Variants in STAT4 observed in about 807,000 individuals in gnomAD.
STAT4 encodes signal transducer and activator of transcription 4.
STAT4 carries 42 observed loss-of-function variants against 110.5 expected under a neutral mutation model. The ratio of observed to expected loss-of-function variants is 0.38; its 90% CI spans 0.30 to 0.49. STAT4 has a LOEUF of 0.49. Among genes scored for constraint, STAT4 ranks in the 20% least tolerant of loss-of-function variants. The pLI is 0.95. For synonymous variants in STAT4, 284 were observed against 302.2 expected (o/e 0.94, Z 0.63); for missense variants, 632 against 887.9 (o/e 0.71, Z 3.66).
rs575954270 is a variant in STAT4, at chr2:191,132,583, T to C, written c.273+14030A>G. Among the ~76,000 whole-genome samples, 235 of 151,710 alleles carry C rather than the reference T, an allele frequency of 1.5e-3. 3 individuals are homozygous for C. The highest frequency in any genetic ancestry group is 2.8e-3 in the Non-Finnish European group (188 of 68,002). On this transcript the variant is annotated intron_variant, in intron 3 of 23. Coordinates refer to ENST00000392320, the MANE Select transcript of STAT4 (RefSeq NM_003151.4). ...AATTGCCATGATACAACAAGGATAA[T>C]GTAACTAACAAAATATAAATGATGA...
At chr2:191,139,617 T>C (rs1559084775) in intron 3 of STAT4, among the ~76,000 whole-genome samples, 2 of 152,120 alleles carry the variant, frequency 1.3e-5, no homozygotes, top group African/African-American at 4.8e-5. Context: ...CATGAACAAA[T>C]GGAAACACAT....
At chr2:191,125,894 C>A (rs1301986995) in intron 3 of STAT4, among the ~76,000 whole-genome samples, 1 of 152,084 alleles carries the variant, frequency 6.6e-6, no homozygotes, top group African/African-American at 2.4e-5. Context: ...CAGAGGGTGC[C>A]TGGTGACTTG....
chr2:191,131,657 T>C, intron 3 of STAT4: 1 of 772,806 alleles, frequency 1.3e-6, no homozygotes, highest in Non-Finnish European at 1.8e-6. Context: ...ACAAGAGGCT[T>C]CAAAGGTAAT....
chr2:191,089,452 C>T (rs1049781837), intron 3 of STAT4, among the ~76,000 whole-genome samples: 8 of 152,128 alleles, frequency 5.3e-5, no homozygotes, highest in African/African-American at 1.9e-4. Flanking sequence ...TCATTTGTTG[C>T]TCGTGGGAGT....
chr2:191,081,737 A>C (rs1009907764), intron 3 of STAT4, among the ~76,000 whole-genome samples: 2 of 152,170 alleles, frequency 1.3e-5, no homozygotes, highest in Non-Finnish European at 2.9e-5. Flanking sequence ...TGGTGACTTC[A>C]GCAATCAGCA....
chr2:191,143,864 C>T lies in STAT4; in HGVS notation c.273+2749G>A, dbSNP rs183645606. On this transcript the variant is annotated intron_variant, in intron 3 of 23. Transcript: ENST00000392320. The surrounding 1 kb of genome is among the most constrained non-coding windows in gnomAD (Gnocchi z 5.6). ...AAAGACTCATCATACCACCCTTCCC[C>T]GCAAAAAACACACACAACTTAATGG... Among the ~76,000 whole-genome samples the T allele has an allele frequency of 7.7e-4, 117 of 151,468 alleles. No individual in the cohort carries two copies. Among genetic ancestry groups the T allele is most frequent in the Admixed American group, 2.4e-3 (36 of 15,248 alleles).
At chr2:191,148,637 ACC>A (rs1319611774) in intron 1 of STAT4, among the ~76,000 whole-genome samples, 1 of 150,012 alleles carries the variant, frequency 6.7e-6, no homozygotes, top group Non-Finnish European at 1.5e-5. Context: ...GTGAGGAACA[ACC>A]CCCCAAGAAG....
intron 3 of STAT4, among the ~76,000 whole-genome samples, chr2:191,124,018 A>G (rs1373402470): frequency 1.3e-5 from 2 of 152,256 alleles, no homozygotes; most frequent in Non-Finnish European, 2.9e-5. Context: ...TTCAGCAAGG[A>G]AAATCTTAAA....
chr2:191,086,297 G>A lies in STAT4; in HGVS notation c.274-9972C>T, dbSNP rs374158556. On this transcript the variant is annotated intron_variant, in intron 3 of 23. Transcript: ENST00000392320. The surrounding 1 kb of genome is among the most constrained non-coding windows in gnomAD (Gnocchi z 5.5). ...GATTGTCACTTTCTGACAGGCCCGG[G>A]AACCTCATAGGACCTCAAGAAGAGA... 3.9e-5 allele frequency among the ~76,000 whole-genome samples: 6 copies of A among 152,074 alleles called. No individual in the cohort carries two copies. The highest frequency in any genetic ancestry group is 1.4e-4 in the African/African-American group (6 of 41,392).
chr2:191,113,371 G>A lies in STAT4; in HGVS notation c.273+33242C>T, dbSNP rs1698480792. 6.6e-6 allele frequency among the ~76,000 whole-genome samples: 1 copy of A among 152,144 alleles called. No homozygotes were observed. Among genetic ancestry groups the A allele is most frequent in the South Asian group, 2.1e-4 (1 of 4,834 alleles). ...ATATTACAGTTGTTCCTTTGATCTT[G>A]AGAGCTCCAACAGGGTTATAGTTCA... On this transcript the variant is annotated intron_variant, in intron 3 of 23. Transcript: ENST00000392320. This position sits in a 1 kb window ranked among gnomAD's most constrained non-coding sequence, Gnocchi z 4.8.
chr2:191,040,752 G>A (rs978793804), intron 15 of STAT4, among the ~76,000 whole-genome samples: 2 of 151,912 alleles, frequency 1.3e-5, no homozygotes, highest in Non-Finnish European at 2.9e-5. Context: ...AGTAGAGGTG[G>A]GGGTTTTCAC....
At position 191,075,837 on chromosome 2, in the gene STAT4, C is replaced by CTTTTTTTTTTTTT. The variant is rs71407854; in HGVS notation, c.372+377_372+389dup. On this transcript the variant is annotated intron_variant, in intron 4 of 23. Transcript: ENST00000392320. ...TTAAAAATGTCTCCTTTCTTTCTTT[C>CTTTTTTTTTTTTT]TTTTTTTTTTTTTTTTTTTGTTTTG... is the stretch of plus-strand genomic sequence containing the variant. 1.6e-3 allele frequency among the ~76,000 whole-genome samples: 198 copies of CTTTTTTTTTTTTT among 121,408 alleles called. 1 individual carries two copies. Among genetic ancestry groups the CTTTTTTTTTTTTT allele is most frequent in the Middle Eastern group, 4.5e-3 (1 of 222 alleles). The allele number at this position is 121,408 out of a possible 152,430, so 79.6% of individuals were successfully genotyped here.
In STAT4 at chr2:191,062,963, A is replaced by G. The variant is rs767114731; in HGVS notation, c.783-43T>C. The G allele has an allele frequency of 1.9e-6, 3 of 1,565,952 alleles. No individual in the cohort carries two copies. The highest frequency in any genetic ancestry group is 2.6e-6 in the Non-Finnish European group (3 of 1,153,776). The stretch of plus-strand genomic sequence containing the variant: ...AAAATCAAAGATAGTTTTTCCACTT[A>G]ATAATAAAAAAGCATTGTAACAATG... On this transcript the variant is annotated intron_variant, in intron 8 of 23. Transcript: ENST00000392320. The surrounding 1 kb of genome is among the most constrained non-coding windows in gnomAD (Gnocchi z 4.9).
chr2:191,034,457 A>C, intron 18 of STAT4, 91 bp downstream of exon 18: 1 of 970,402 alleles, frequency 1.0e-6, no homozygotes, highest in Non-Finnish European at 1.6e-6. Flanking sequence ...CTTATCTGGG[A>C]AATTCTCAAA....
chr2:191,052,580 G>C (rs924264331), intron 14 of STAT4, among the ~76,000 whole-genome samples: 1 of 152,136 alleles, frequency 6.6e-6, no homozygotes, highest in East Asian at 1.9e-4. Flanking sequence ...TTCAAGTGAA[G>C]ATTTTCATTT....
Position 191,083,843 on chromosome 2 carries a change from G to A in STAT4, c.274-7518C>T, listed in dbSNP as rs768193274. Among the ~76,000 whole-genome samples, 8 of 151,908 alleles carry A rather than the reference G, an allele frequency of 5.3e-5. No individual in the cohort carries two copies. Among genetic ancestry groups the A allele is most frequent in the South Asian group, 2.1e-4 (1 of 4,822 alleles). Reference sequence around the variant, plus strand: ...ATAAGCCCAAATGCCTTTCAAGTTCGCATGATTTTAGTAATCTTTGATGAA... The same window carrying A: ...ATAAGCCCAAATGCCTTTCAAGTTCACATGATTTTAGTAATCTTTGATGAA... On this transcript the variant is annotated intron_variant, in intron 3 of 23. Coordinates refer to ENST00000392320, the MANE Select transcript of STAT4 (RefSeq NM_003151.4). The surrounding 1 kb of genome is among the most constrained non-coding windows in gnomAD (Gnocchi z 4.6).
At chr2:191,126,771 C>T (rs890405288) in intron 3 of STAT4, among the ~76,000 whole-genome samples, 3 of 152,188 alleles carry the variant, frequency 2.0e-5, no homozygotes, top group Non-Finnish European at 4.4e-5. Context: ...GGGTCTTGGA[C>T]TTGACTTTTC....
chr2:191,127,127 A>G (rs903086564), intron 3 of STAT4, among the ~76,000 whole-genome samples: 1 of 152,146 alleles, frequency 6.6e-6, no homozygotes, highest in Non-Finnish European at 1.5e-5. Flanking sequence ...TGAGAAAAAA[A>G]AAACCAAAAA....
At chr2:191,149,684 G>A (rs1411471800) in intron 1 of STAT4, among the ~76,000 whole-genome samples, 1 of 152,084 alleles carries the variant, frequency 6.6e-6, no homozygotes, top group Non-Finnish European at 1.5e-5. Context: ...TCCAGATATC[G>A]GATGTATATA....
Sources: gnomAD v4.1 joint callset for allele counts (sites outside exome capture counted in the v4.1 genomes callset) on GRCh38, gnomAD v4.1.1 for gene constraint, Gnocchi (gnomAD v3.1) non-coding constraint, MANE v1.5 for transcripts, NCBI Gene and HGNC (gene_info 2026-07-23, HGNC 2026-07-21) for gene names.